SNTG1: variants seen among roughly 807,000 people sequenced by gnomAD.
SNTG1 encodes syntrophin gamma 1.
A neutral mutation model predicts 74.7 loss-of-function variants in SNTG1; 39 were observed. That is an observed-to-expected ratio of 0.52 (90% CI 0.40 to 0.68). SNTG1 has a LOEUF of 0.68. Ranked by LOEUF, SNTG1 falls within the 30% of genes least tolerant of loss-of-function variation. SNTG1 has a pLI of 0.00. For synonymous variants in SNTG1, 254 were observed against 217.1 expected (o/e 1.17, Z -1.49); for missense variants, 685 against 609.5 (o/e 1.12, Z -1.30).
chr8:50,368,767 GTTC>G (rs1387239656), intron 2 of SNTG1, among the ~76,000 whole-genome samples: 3 of 152,162 alleles, frequency 2.0e-5, no homozygotes, highest in African/African-American at 7.2e-5. Flanking sequence ...AAACAAAGAG[GTTC>G]TTCTTCAGAC....
At chr8:50,006,378 C>A (rs1441531505) in intron 1 of SNTG1, among the ~76,000 whole-genome samples, 4 of 152,014 alleles carry the variant, frequency 2.6e-5, no homozygotes, top group African/African-American at 9.7e-5. Context: ...CTTTAAAATT[C>A]TTGTCAGATA....
intron 2 of SNTG1, among the ~76,000 whole-genome samples, chr8:50,357,146 C>T (rs1321414556): frequency 2.6e-5 from 4 of 152,190 alleles, no homozygotes; most frequent in Non-Finnish European, 4.4e-5. Context: ...TCATTTCCCA[C>T]GTCAGCCATA....
intron 2 of SNTG1, among the ~76,000 whole-genome samples, chr8:50,376,748 TATATATATAGAGAGAG>T (rs1288818938): frequency 9.2e-6 from 1 of 108,692 alleles, no homozygotes; most frequent in Non-Finnish European, 2.0e-5. Context: ...TATATATATA[TATATATATAGAGAGAG>T]AGAGAGAGAG....
intron 18 of SNTG1, among the ~76,000 whole-genome samples, chr8:50,764,165 TA>T (rs2095607553): frequency 1.3e-5 from 2 of 151,730 alleles, no homozygotes; most frequent in South Asian, 4.2e-4. Context: ...ACACCATATA[TA>T]AAAACAACTC....
At chr8:50,668,706 TGTTCTCATA>T (rs1212314047) in intron 15 of SNTG1, among the ~76,000 whole-genome samples, 1 of 151,872 alleles carries the variant, frequency 6.6e-6, no homozygotes, top group African/African-American at 2.4e-5. Context: ...TGTGTCCATG[TGTTCTCATA>T]GTTCAACTTC....
intron 1 of SNTG1, among the ~76,000 whole-genome samples, chr8:50,091,609 T>C (rs1217261068): frequency 6.6e-6 from 1 of 152,126 alleles, no homozygotes; most frequent in African/African-American, 2.4e-5. Context: ...TCTAAAATGG[T>C]AAGATTTTCT....
At chr8:49,932,279 A>G (rs1294676508) in intron 1 of SNTG1, among the ~76,000 whole-genome samples, 1 of 152,160 alleles carries the variant, frequency 6.6e-6, no homozygotes. Context: ...TAACATTTTA[A>G]AGAAAATTAA....
intron 2 of SNTG1, among the ~76,000 whole-genome samples, chr8:50,215,387 TA>T (rs2084732794): frequency 6.8e-6 from 1 of 147,756 alleles, no homozygotes; most frequent in African/African-American, 2.5e-5. Flanking sequence ...TAAATATATA[TA>T]TGTGTATATA....
At chr8:50,158,822 T>G (rs2082328360) in intron 1 of SNTG1, among the ~76,000 whole-genome samples, 1 of 152,156 alleles carries the variant, frequency 6.6e-6, no homozygotes, top group African/African-American at 2.4e-5. Context: ...AGGATTTTTG[T>G]TTTTTAAGGG....
intron 13 of SNTG1, among the ~76,000 whole-genome samples, chr8:50,618,506 C>T (rs961772298): frequency 6.6e-6 from 1 of 152,152 alleles, no homozygotes; most frequent in Non-Finnish European, 1.5e-5. Flanking sequence ...TAATAAATTA[C>T]CACAAACCAA....
chr8:50,781,507 T>A (rs1176400493), intron 18 of SNTG1, among the ~76,000 whole-genome samples: 1 of 152,176 alleles, frequency 6.6e-6, no homozygotes, highest in Non-Finnish European at 1.5e-5. Flanking sequence ...GTCTGTTTCA[T>A]CAGAGACTAG....
At chr8:50,275,631 T>C (rs1004199743) in intron 2 of SNTG1, among the ~76,000 whole-genome samples, 1 of 152,110 alleles carries the variant, frequency 6.6e-6, no homozygotes, top group Non-Finnish European at 1.5e-5. Flanking sequence ...GTGCTGGAGG[T>C]AGAACCCATG....
chr8:50,072,212 G>A (rs1298289508), intron 1 of SNTG1, among the ~76,000 whole-genome samples: 2 of 152,138 alleles, frequency 1.3e-5, no homozygotes, highest in East Asian at 3.8e-4. Context: ...AAGTATGATG[G>A]TTCACTGTGA....
intron 1 of SNTG1, among the ~76,000 whole-genome samples, chr8:50,042,303 C>A (rs1244081059): frequency 1.3e-5 from 2 of 152,198 alleles, no homozygotes; most frequent in African/African-American, 2.4e-5. Context: ...CACAGCCCAC[C>A]CCCAGGGTGC....
intron 2 of SNTG1, among the ~76,000 whole-genome samples, chr8:50,308,430 A>G (rs1281197844): frequency 1.3e-5 from 2 of 152,002 alleles, no homozygotes; most frequent in African/African-American, 4.8e-5. Context: ...AAGCAAGCAC[A>G]TTGGGGTGTG....
intron 1 of SNTG1, among the ~76,000 whole-genome samples, chr8:49,976,189 G>A (rs968726476): frequency 9.2e-5 from 14 of 152,130 alleles, no homozygotes; most frequent in African/African-American, 3.4e-4. Context: ...TTTGAGAAAA[G>A]CAAGGCCTGA....
At chr8:50,512,927 T>A (rs943915696) in intron 9 of SNTG1, among the ~76,000 whole-genome samples, 13 of 152,210 alleles carry the variant, frequency 8.5e-5, no homozygotes, top group Non-Finnish European at 1.3e-4. Flanking sequence ...ATCAAAGTCA[T>A]TCTCAATCCA....
chr8:50,318,637 A>G (rs892487428), intron 2 of SNTG1, among the ~76,000 whole-genome samples: 3 of 152,200 alleles, frequency 2.0e-5, no homozygotes, highest in Non-Finnish European at 4.4e-5. Flanking sequence ...ACCACTGGGA[A>G]AATTTCCTTA....
chr8:50,137,435 C>A (rs2081510466), intron 1 of SNTG1, among the ~76,000 whole-genome samples: 1 of 152,128 alleles, frequency 6.6e-6, no homozygotes, highest in African/African-American at 2.4e-5. Context: ...ATGGTGCTTG[C>A]TGTGTTTCAG....
Sources: allele counts gnomAD v4.1 joint callset (sites outside exome capture counted in the v4.1 genomes callset), GRCh38; gene constraint gnomAD v4.1.1; transcripts MANE v1.5; gene names NCBI Gene and HGNC (gene_info 2026-07-23, HGNC 2026-07-21).